Variants in CAMK2D observed in about 807,000 individuals in gnomAD.
CAMK2D encodes the protein calcium/calmodulin-dependent protein kinase type II subunit delta.
In CAMK2D, 37 loss-of-function variants were observed where a neutral mutation model predicts 84.0. That is an observed-to-expected ratio of 0.44 (90% CI 0.34 to 0.58). The LOEUF (loss-of-function observed/expected upper bound fraction) is 0.58. CAMK2D is among the 20% of genes least tolerant of loss of function. The pLI is 0.02. For synonymous variants in CAMK2D, 202 were observed against 212.5 expected (o/e 0.95, Z 0.43); for missense variants, 448 against 652.5 (o/e 0.69, Z 3.41).
chr4:113,733,308 T>G (rs2099573408), intron 2 of CAMK2D, among the ~76,000 whole-genome samples: 1 of 152,254 alleles, frequency 6.6e-6, no homozygotes, highest in Admixed American at 6.5e-5. Flanking sequence ...GGAGCCTTGG[T>G]CCTCAGTGTC....
At chr4:113,630,354 G>A (rs1286248394) in intron 3 of CAMK2D, among the ~76,000 whole-genome samples, 4 of 152,076 alleles carry the variant, frequency 2.6e-5, no homozygotes, top group African/African-American at 4.8e-5. Context: ...ATTAGACCTG[G>A]GGTTATGCGG....
chr4:113,697,819 A>G (rs1347464661), intron 2 of CAMK2D, among the ~76,000 whole-genome samples: 1 of 152,102 alleles, frequency 6.6e-6, no homozygotes, highest in Non-Finnish European at 1.5e-5. Flanking sequence ...CTTGAATTAA[A>G]CTCCGAAGAA....
chr4:113,589,112 A>T lies in CAMK2D; in HGVS notation c.275+20040T>A, dbSNP rs921926650. ...GCATGTCCCAGGCTGTGAGGTAGGC[A>T]GTGTGGCTGGGGCTGAGTGGGTCAG... On this transcript the variant is annotated intron_variant, in intron 4 of 20. Coordinates refer to ENST00000511664, the MANE Select transcript of CAMK2D (RefSeq NM_001321571.2). Among the ~76,000 whole-genome samples, 8 of 152,278 alleles carry T rather than the reference A, an allele frequency of 5.3e-5. No individual in the cohort carries two copies. In the South Asian group the frequency reaches 1.0e-3, roughly 20 times the overall value.
intron 3 of CAMK2D, among the ~76,000 whole-genome samples, chr4:113,610,172 C>T (rs2098994207): frequency 6.6e-6 from 1 of 152,016 alleles, no homozygotes; most frequent in South Asian, 2.1e-4. Context: ...AGCCTAGTAC[C>T]CAATAGTTAT....
intron 4 of CAMK2D, among the ~76,000 whole-genome samples, chr4:113,577,463 C>T (rs888224312): frequency 6.6e-6 from 1 of 152,188 alleles, no homozygotes; most frequent in African/African-American, 2.4e-5. Flanking sequence ...TTCTCCCCCT[C>T]CTTCATCCAC....
intron 2 of CAMK2D, among the ~76,000 whole-genome samples, chr4:113,699,117 C>T (rs2099411107): frequency 6.6e-6 from 1 of 151,942 alleles, no homozygotes; most frequent in African/African-American, 2.4e-5. Context: ...TATCTACTGG[C>T]AAAGGCAGCT....
intron 5 of CAMK2D, among the ~76,000 whole-genome samples, chr4:113,548,470 G>A (rs2098600239): frequency 1.3e-5 from 2 of 152,050 alleles, no homozygotes. Context: ...TTTTTGCTAT[G>A]ATGTATATTT....
intron 5 of CAMK2D, among the ~76,000 whole-genome samples, chr4:113,549,224 C>T (rs1253788297): frequency 1.3e-5 from 2 of 152,126 alleles, no homozygotes; most frequent in East Asian, 1.9e-4. Flanking sequence ...TGGAGGGACA[C>T]ATTTACCATT....
intron 3 of CAMK2D, among the ~76,000 whole-genome samples, chr4:113,651,906 G>T (rs2099174553): frequency 1.3e-5 from 2 of 151,962 alleles, no homozygotes; most frequent in African/African-American, 2.4e-5. Context: ...AATATAATTA[G>T]TTCTATAATA....
At chr4:113,633,915 A>C (rs2154289052) in intron 3 of CAMK2D, among the ~76,000 whole-genome samples, 1 of 152,342 alleles carries the variant, frequency 6.6e-6, no homozygotes, top group East Asian at 1.9e-4. Context: ...TAATTTGAAG[A>C]ATTAGGTTCA....
At chr4:113,560,923 G>A (rs547655139) in intron 4 of CAMK2D, among the ~76,000 whole-genome samples, 1 of 152,296 alleles carries the variant, frequency 6.6e-6, no homozygotes, top group East Asian at 1.9e-4. Flanking sequence ...AGGGAAAAGA[G>A]AGGAGAGAAT....
intron 2 of CAMK2D, among the ~76,000 whole-genome samples, chr4:113,704,901 A>G (rs1215643676): frequency 6.6e-6 from 1 of 151,222 alleles, no homozygotes; most frequent in Non-Finnish European, 1.5e-5. Context: ...AAGAATTGTC[A>G]AAAGTTAGAA....
chr4:113,720,594 T>C (rs952461793), intron 2 of CAMK2D, among the ~76,000 whole-genome samples: 1 of 151,890 alleles, frequency 6.6e-6, no homozygotes, highest in African/African-American at 2.4e-5. Flanking sequence ...AAAGCTAATA[T>C]CAAATTAACC....
intron 6 of CAMK2D, among the ~76,000 whole-genome samples, chr4:113,538,922 C>T (rs961352151): frequency 1.3e-5 from 2 of 152,112 alleles, no homozygotes; most frequent in African/African-American, 4.8e-5. Context: ...GAAAACTTTT[C>T]TAATTTTGTG....
chr4:113,662,567 T>G (rs1178127548), intron 2 of CAMK2D, among the ~76,000 whole-genome samples: 1 of 152,194 alleles, frequency 6.6e-6, no homozygotes, highest in Non-Finnish European at 1.5e-5. Flanking sequence ...AGTTGAAAAC[T>G]TATACACAAA....
chr4:113,510,518 A>G (rs1433840792), intron 12 of CAMK2D, among the ~76,000 whole-genome samples: 1 of 152,146 alleles, frequency 6.6e-6, no homozygotes, highest in Non-Finnish European at 1.5e-5. Context: ...GTATATGAAA[A>G]GGTGAAGTCA....
chr4:113,603,319 G>A (rs1212814726), intron 4 of CAMK2D, among the ~76,000 whole-genome samples: 3 of 149,356 alleles, frequency 2.0e-5, no homozygotes, highest in South Asian at 2.1e-4. Context: ...CCATTAACTC[G>A]TCATTTAGCA....
chr4:113,604,306 G>A (rs946330348), intron 4 of CAMK2D, among the ~76,000 whole-genome samples: 1 of 151,968 alleles, frequency 6.6e-6, no homozygotes, highest in African/African-American at 2.4e-5. Context: ...TTCTAAAGCT[G>A]CTTACTTTTC....
chr4:113,730,369 G>A (rs2099562812), intron 2 of CAMK2D, among the ~76,000 whole-genome samples: 1 of 152,104 alleles, frequency 6.6e-6, no homozygotes, highest in Non-Finnish European at 1.5e-5. Flanking sequence ...GAGTAGTAAG[G>A]CTAGAAAGTC....
Sources: gnomAD v4.1 joint callset for allele counts (sites outside exome capture counted in the v4.1 genomes callset) on GRCh38, gnomAD v4.1.1 for gene constraint, MANE v1.5 for transcripts, NCBI Gene and HGNC (gene_info 2026-07-23, HGNC 2026-07-21) for gene names.